PRSS57: variants seen among roughly 807,000 people sequenced by gnomAD.
PRSS57 encodes the protein serine protease 57.
In PRSS57, 19 loss-of-function variants were observed where a neutral mutation model predicts 20.6. That is an observed-to-expected ratio of 0.92 (90% CI 0.64 to 1.35). PRSS57 has a LOEUF of 1.35. PRSS57 is among the 40% of genes most tolerant of loss of function. The pLI is 0.00. For missense variants in PRSS57, 440 were observed against 403.7 expected (o/e 1.09, Z -0.77); for synonymous variants, 203 against 176.6 (o/e 1.15, Z -1.19).
intron 3 of PRSS57, among the ~76,000 whole-genome samples, chr19:689,897 A>G (rs1347144873): frequency 1.3e-5 from 2 of 152,172 alleles, no homozygotes; most frequent in Non-Finnish European, 2.9e-5. Context: ...TACTAAAAAT[A>G]CAAAAATTAG....
intron 3 of PRSS57, among the ~76,000 whole-genome samples, chr19:689,027 C>G (rs1181275061): frequency 6.6e-6 from 1 of 152,090 alleles, no homozygotes; most frequent in Non-Finnish European, 1.5e-5. Flanking sequence ...TAAAAAATCC[C>G]TGCCCGTTAG....
chr19:685,596 G>T lies in PRSS57; in HGVS notation c.*120C>A. 1 of 934,044 alleles carries T rather than the reference G, an allele frequency of 1.1e-6. No individual in the cohort carries two copies. The highest frequency in any genetic ancestry group is 1.6e-6 in the Non-Finnish European group (1 of 638,010). The allele number at this position is 934,044 out of a possible 1,614,324, so 57.9% of individuals were successfully genotyped here. Reference sequence around the variant, plus strand: ...CTTCTGCCCTTTGCATGTGGAATGGGTGTGCCCCACCGCTGCCCGTCCCAC... The same window carrying T: ...CTTCTGCCCTTTGCATGTGGAATGGTTGTGCCCCACCGCTGCCCGTCCCAC... On this transcript the variant is annotated 3_prime_UTR_variant, in exon 5 of 5. Coordinates refer to ENST00000329267, the MANE Select transcript of PRSS57 (RefSeq NM_001308209.2).
At chr19:689,630 T>G (rs75376359) in intron 3 of PRSS57, among the ~76,000 whole-genome samples, 40 of 152,248 alleles carry the variant, frequency 2.6e-4, no homozygotes, top group African/African-American at 8.9e-4. Context: ...CTTTAAAACC[T>G]AAGTCAGGCC....
intron 1 of PRSS57, 117 bp from the exon 2 acceptor site, chr19:695,084 G>A (rs1432615306): frequency 3.2e-5 from 33 of 1,029,244 alleles, no homozygotes; most frequent in Non-Finnish European, 3.7e-5. Context: ...GATTAGAGAC[G>A]GAGAGACCCA....
Position 695,337 on chromosome 19 carries a change from CG to C in PRSS57, c.79+14del, listed in dbSNP as rs1555685087. 6.4e-6 allele frequency: 8 copies of C among 1,242,760 alleles called. No individual in the cohort carries two copies. The highest frequency in any genetic ancestry group is 5.1e-6 in the Non-Finnish European group (5 of 984,854). 77.0% of individuals were successfully genotyped at this position (1,242,760 alleles called of 1,614,324 possible). On this transcript the variant is annotated intron_variant, in intron 1 of 4. Coordinates refer to ENST00000329267, the MANE Select transcript of PRSS57 (RefSeq NM_001308209.2). ...TTGGCGGGGGCCTGGGTGGGGATCC[CG>C]GGGGGCTCCTCACCGGGGGGCTTCA...
chr19:685,630 T>C lies in PRSS57; in HGVS notation c.*86A>G. ...ACCGCTGCCCGTCCCACCCCAACCCTGAACATCAGGCTTCCCGTGGGGCCC... is the reference window on the plus strand; with the variant it reads ...ACCGCTGCCCGTCCCACCCCAACCCCGAACATCAGGCTTCCCGTGGGGCCC... On this transcript the variant is annotated 3_prime_UTR_variant, in exon 5 of 5. Transcript: ENST00000329267. 1 of 1,336,372 alleles carries C rather than the reference T, an allele frequency of 7.5e-7. No homozygotes were observed. 82.8% of individuals were successfully genotyped at this position (1,336,372 alleles called of 1,614,324 possible). A position where few individuals can be genotyped will look rare whatever the true frequency, so the allele number is the denominator to read the frequency against.
intron 2 of PRSS57, among the ~76,000 whole-genome samples, chr19:693,906 AT>A (rs1380901283): frequency 6.6e-6 from 1 of 151,948 alleles, no homozygotes; most frequent in Non-Finnish European, 1.5e-5. Context: ...CATCCGGCTA[AT>A]TTTTTTGTAT....
chr19:685,952 C>A (rs1441508129), intron 4 of PRSS57, 30 bp from the exon 5 acceptor site: 1 of 1,507,036 alleles, frequency 6.6e-7, no homozygotes, highest in Non-Finnish European at 9.0e-7. Context: ...GAGGTCAGGG[C>A]CTCTGGGAGC....
Position 685,893 on chromosome 19 carries a change from C to T in PRSS57, c.672G>A (p.Arg224=), listed in dbSNP as rs537267632. 3.2e-6 allele frequency: 5 copies of T among 1,550,346 alleles called. No individual in the cohort carries two copies. In the East Asian group the frequency reaches 9.7e-5, roughly 30 times the overall value. Residue 224 remains arginine (R), a synonymous_variant, in exon 5 of 5, where the codon AGG becomes AGA. Coordinates refer to ENST00000329267, the MANE Select transcript of PRSS57 (RefSeq NM_001308209.2). ...SADSGGPLVC[R]NRAHGLVSFS... The stretch of plus-strand genomic sequence containing the variant: ...AGGAAACGAGGCCGTGAGCCCGGTT[C>T]CTGCACACCAGGGGCCCTCCGGAGT...
At chr19:687,960 G>T (rs2031525278) in intron 3 of PRSS57, among the ~76,000 whole-genome samples, 1 of 152,188 alleles carries the variant, frequency 6.6e-6, no homozygotes, top group Non-Finnish European at 1.5e-5. Context: ...CCTCTTCCAG[G>T]AAGTCTTCCC....
chr19:690,181 G>C (rs563916119), intron 3 of PRSS57, among the ~76,000 whole-genome samples: 7 of 150,362 alleles, frequency 4.7e-5, no homozygotes, highest in Admixed American at 2.0e-4. Flanking sequence ...CGTGGTGGCG[G>C]GCGCCTGTAA....
intron 3 of PRSS57, among the ~76,000 whole-genome samples, chr19:691,504 CAAAA>C (rs372342945): frequency 1.2e-5 from 1 of 86,864 alleles, no homozygotes. Flanking sequence ...GACTCTGACT[CAAAA>C]AAAAAAAAAA....
At position 686,921 on chromosome 19, in the gene PRSS57, T is replaced by G. The variant is rs759432422; in HGVS notation, c.642+4A>C. 51 of 1,612,384 alleles carry G rather than the reference T, an allele frequency of 3.2e-5. 1 individual carries two copies. In the South Asian group the frequency reaches 5.5e-4, roughly 17 times the overall value. ...AAGTGGGTGGAGCAGGGAGGGGATC[T>G]TACCGAGCAGAAGCCCCGTCTGTGG... On this transcript the variant is annotated splice_donor_region_variant and intron_variant, in intron 4 of 4. Coordinates refer to ENST00000329267, the MANE Select transcript of PRSS57 (RefSeq NM_001308209.2).
intron 3 of PRSS57, chr19:690,819 G>A: frequency 6.1e-6 from 2 of 328,426 alleles, no homozygotes; most frequent in Admixed American, 4.1e-5. Flanking sequence ...GGCTACTGGG[G>A]GAACAAGATC....
intron 3 of PRSS57, among the ~76,000 whole-genome samples, chr19:689,008 TA>T (rs972717527): frequency 4.8e-4 from 73 of 152,120 alleles, no homozygotes; most frequent in African/African-American, 1.7e-3. Context: ...TAAATGGCCA[TA>T]AAGGTGATAA....
At chr19:689,615 A>G (rs115013222) in intron 3 of PRSS57, among the ~76,000 whole-genome samples, 31 of 152,218 alleles carry the variant, frequency 2.0e-4, no homozygotes, top group African/African-American at 5.5e-4. Context: ...CTGACGTCCA[A>G]CTGTCTTTAA....
At chr19:689,140 C>T (rs368762921) in intron 3 of PRSS57, among the ~76,000 whole-genome samples, 15,312 of 86,972 alleles carry the variant, frequency 0.18, 1,141 homozygotes, top group African/African-American at 0.23. Context: ...TAGCAGGTGA[C>T]GACGGTGCTA....
At chr19:694,224 A>G (rs1272131944) in intron 2 of PRSS57, among the ~76,000 whole-genome samples, 1 of 151,390 alleles carries the variant, frequency 6.6e-6, no homozygotes, top group Non-Finnish European at 1.5e-5. Flanking sequence ...GCAGGAGGGG[A>G]CCCACCCACC....
chr19:695,273 G>A (rs1265957155), intron 1 of PRSS57, 79 bp downstream of exon 1: 5 of 664,982 alleles, frequency 7.5e-6, no homozygotes, highest in African/African-American at 5.6e-5. Flanking sequence ...GGGTTCTCCC[G>A]GGACTGGGGG....
Sources: gnomAD v4.1 joint callset for allele counts (sites outside exome capture counted in the v4.1 genomes callset) on GRCh38, gnomAD v4.1.1 for gene constraint, MANE v1.5 for transcripts, NCBI Gene and HGNC (gene_info 2026-07-23, HGNC 2026-07-21) for gene names.